Variants in COBL observed in about 807,000 individuals in gnomAD.
COBL encodes cordon-bleu WH2 repeat protein.
Under a neutral mutation model 98.8 loss-of-function variants are expected in COBL, and 51 were observed. That is an observed-to-expected ratio of 0.52 (90% CI 0.41 to 0.65). COBL has a LOEUF of 0.65. COBL is among the 30% of genes least tolerant of loss of function. COBL has a pLI of 0.00. For missense variants in COBL, 1,617 were observed against 1,617.5 expected, an observed-to-expected ratio of 1.00 and a Z score of 0.01; for synonymous variants, 634 against 651.7, an observed-to-expected ratio of 0.97 and a Z score of 0.41.
chr7:51,173,658 C>T (rs971757938), intron 5 of COBL, among the ~76,000 whole-genome samples: 1 of 152,190 alleles, frequency 6.6e-6, no homozygotes, highest in African/African-American at 2.4e-5. Flanking sequence ...AACCTGGCCT[C>T]TCAAATGAGA....
intron 5 of COBL, among the ~76,000 whole-genome samples, chr7:51,160,362 T>A (rs1002473811): frequency 6.6e-6 from 1 of 152,216 alleles, no homozygotes; most frequent in Non-Finnish European, 1.5e-5. Context: ...TTGTTGTTGA[T>A]GACACAGTCA....
At chr7:51,122,560 TA>T (rs1244320314) in intron 6 of COBL, among the ~76,000 whole-genome samples, 1 of 152,266 alleles carries the variant, frequency 6.6e-6, no homozygotes, top group Non-Finnish European at 1.5e-5. Flanking sequence ...TTGTAGAATA[TA>T]AATACAACCT....
At chr7:51,293,256 G>A (rs1801080519) in intron 1 of COBL, among the ~76,000 whole-genome samples, 1 of 152,058 alleles carries the variant, frequency 6.6e-6, no homozygotes, top group African/African-American at 2.4e-5. Flanking sequence ...CCACTCCTTG[G>A]TATTTACCTC....
chr7:51,306,491 G>GT (rs1802485208), intron 1 of COBL, among the ~76,000 whole-genome samples: 1 of 152,158 alleles, frequency 6.6e-6, no homozygotes, highest in Non-Finnish European at 1.5e-5. Context: ...TTCATTAAAT[G>GT]TATCAGCCCA....
chr7:51,255,975 C>T (rs62448324), intron 1 of COBL, among the ~76,000 whole-genome samples: 1 of 152,164 alleles, frequency 6.6e-6, no homozygotes, highest in Non-Finnish European at 1.5e-5. Context: ...CCCGGGCCAG[C>T]ACCTAGCCTT....
intron 1 of COBL, among the ~76,000 whole-genome samples, chr7:51,301,584 G>A (rs780774998): frequency 1.3e-5 from 2 of 152,176 alleles, no homozygotes; most frequent in East Asian, 1.9e-4. Context: ...CCTGAGTGTC[G>A]GTCTAATATT....
rs182199738 is a variant in COBL, at chr7:51,084,298, C to T, written c.1096+868G>A. 5.9e-5 allele frequency among the ~76,000 whole-genome samples: 9 copies of T among 152,160 alleles called. No individual in the cohort carries two copies. In the South Asian group the frequency reaches 1.0e-3, roughly 18 times the overall value. The stretch of plus-strand genomic sequence containing the variant: ...CAGACCTTAGGGCAAAGGCAAAACG[C>T]GGGGCTGCCTGGGTGGGTTAAAGGG... On this transcript the variant is annotated intron_variant, in intron 7 of 12. Coordinates refer to ENST00000265136, the MANE Select transcript of COBL (RefSeq NM_015198.5).
intron 2 of COBL, among the ~76,000 whole-genome samples, chr7:51,206,037 A>G (rs1388092398): frequency 6.6e-6 from 1 of 152,232 alleles, no homozygotes; most frequent in African/African-American, 2.4e-5. Context: ...GACAAAAAAT[A>G]GCAAGTGTTG....
intron 6 of COBL, among the ~76,000 whole-genome samples, chr7:51,112,992 C>T (rs1322263874): frequency 1.3e-5 from 2 of 152,164 alleles, no homozygotes; most frequent in African/African-American, 2.4e-5. Context: ...TCCCATAAGA[C>T]GTGGAAGCTG....
chr7:51,061,318 A>C (rs1236361860), intron 7 of COBL, among the ~76,000 whole-genome samples: 1 of 152,050 alleles, frequency 6.6e-6, no homozygotes, highest in African/African-American at 2.4e-5. Context: ...GACATACGCG[A>C]CTTCCATAGC....
At chr7:51,104,116 G>C (rs543157408) in intron 6 of COBL, among the ~76,000 whole-genome samples, 35 of 152,338 alleles carry the variant, frequency 2.3e-4, no homozygotes, top group African/African-American at 8.4e-4. Context: ...TTTCTTAAAA[G>C]AGATTTGTAC....
intron 7 of COBL, among the ~76,000 whole-genome samples, chr7:51,081,305 G>C (rs1562884156): frequency 1.3e-5 from 2 of 152,222 alleles, no homozygotes; most frequent in African/African-American, 4.8e-5. Flanking sequence ...GAGGGCAAAG[G>C]AAGTCCCAGG....
intron 1 of COBL, among the ~76,000 whole-genome samples, chr7:51,232,596 G>A (rs1261593976): frequency 1.3e-5 from 2 of 152,188 alleles, no homozygotes; most frequent in Admixed American, 1.3e-4. Context: ...CGGATCATGA[G>A]GTCAGGAGAT....
At chr7:51,232,741 A>G (rs1196793278) in intron 1 of COBL, among the ~76,000 whole-genome samples, 1 of 151,942 alleles carries the variant, frequency 6.6e-6, no homozygotes, top group South Asian at 2.1e-4. Context: ...AACCTGGGAG[A>G]CGGAGGTTGC....
chr7:51,251,663 A>C (rs1267558663), intron 1 of COBL, among the ~76,000 whole-genome samples: 1 of 152,218 alleles, frequency 6.6e-6, no homozygotes, highest in African/African-American at 2.4e-5. Context: ...ATCAATGTTT[A>C]CTGTCCCCAC....
At chr7:51,092,931 G>T (rs889925673) in intron 6 of COBL, among the ~76,000 whole-genome samples, 5 of 95,198 alleles carry the variant, frequency 5.3e-5, no homozygotes, top group Non-Finnish European at 1.0e-4. Context: ...TTCCATTTTT[G>T]TGTGCCCTTT....
intron 1 of COBL, among the ~76,000 whole-genome samples, chr7:51,262,859 A>AGGCAG (rs758733007): frequency 1.3e-5 from 2 of 152,106 alleles, no homozygotes; most frequent in East Asian, 3.9e-4. Context: ...CCCTGGTAGG[A>AGGCAG]GGCAGGGCAG....
intron 2 of COBL, among the ~76,000 whole-genome samples, chr7:51,207,603 TA>T (rs1373952112): frequency 6.6e-6 from 1 of 152,208 alleles, no homozygotes; most frequent in African/African-American, 2.4e-5. Flanking sequence ...CTGGTTTTCG[TA>T]TTTTTTTGGT....
chr7:51,089,363 A>C (rs974298480), intron 6 of COBL, among the ~76,000 whole-genome samples: 1 of 151,880 alleles, frequency 6.6e-6, no homozygotes, highest in Non-Finnish European at 1.5e-5. Context: ...GAATATATAA[A>C]AATTAGCCAG....
Sources: gnomAD v4.1 joint callset for allele counts (sites outside exome capture counted in the v4.1 genomes callset) on GRCh38, gnomAD v4.1.1 for gene constraint, MANE v1.5 for transcripts, NCBI Gene and HGNC (gene_info 2026-07-23, HGNC 2026-07-21) for gene names.